MPDZ: variants seen among roughly 807,000 people sequenced by gnomAD.
The protein encoded by MPDZ is multiple PDZ domain protein.
MPDZ carries 234 observed loss-of-function variants against 239.1 expected under a neutral mutation model. The observed-to-expected ratio is 0.98, with a 90% CI of 0.88 to 1.09. The LOEUF (loss-of-function observed/expected upper bound fraction) is 1.09. MPDZ is among the 50% of genes least tolerant of loss of function. The pLI, the probability that MPDZ is intolerant of heterozygous loss-of-function variation, is 0.00. For missense variants in MPDZ, 3,175 were observed against 2,510.0 expected (o/e 1.26, Z -5.66); for synonymous variants, 1,048 against 881.3 (o/e 1.19, Z -3.35).
intron 10 of MPDZ, among the ~76,000 whole-genome samples, chr9:13,209,831 G>C (rs1182566886): frequency 6.6e-6 from 1 of 152,026 alleles, no homozygotes; most frequent in African/African-American, 2.4e-5. Context: ...CAAAGTCCAG[G>C]TCATGCATGC....
Position 13,183,564 on chromosome 9 carries a change from A to C in MPDZ, c.2503T>G (p.Leu835Val), listed in dbSNP as rs764015232. 1.2e-6 allele frequency: 2 copies of C among 1,612,454 alleles called. No individual in the cohort carries two copies. The highest frequency in any genetic ancestry group is 1.7e-6 in the Non-Finnish European group (2 of 1,178,992). The change falls in exon 19 of 47, where the codon TTA (leucine) becomes GTA (valine). Residue 835 changes from leucine (L) to valine (V), a missense_variant. Transcript: ENST00000319217. ...GACTCAAATGTGGATTCATCTACTA[A>C]GTCAGCATCATTTGTGCCCACCTAG... ...LALVGTNDAD[L>V]VDESTFESPY...
Position 13,150,651 on chromosome 9 carries a change from T to C in MPDZ, c.3490A>G (p.Ile1164Val), listed in dbSNP as rs1949042982. 6.8e-7 allele frequency: 1 copy of C among 1,470,990 alleles called. No homozygotes were observed. Among genetic ancestry groups the C allele is most frequent in the South Asian group, 1.6e-5 (1 of 61,328 alleles). The allele number at this position is 1,470,990 out of a possible 1,614,324, so 91.1% of individuals were successfully genotyped here. A position where few individuals can be genotyped will look rare whatever the true frequency, so the allele number is the denominator to read the frequency against. ...ATCCCTCGTCCACCAACAATGCTGA[T>C]GCCTAAGGATTTGCTTGGTTCTCTC... is the stretch of plus-strand genomic sequence containing the variant. The part of the protein sequence containing the change: ...LWREPSKSLG[I>V]SIVGGRGMGS... The change falls in exon 25 of 47, where the codon ATC (isoleucine) becomes GTC (valine). Residue 1164 changes from isoleucine to valine, a missense_variant. Coordinates refer to ENST00000319217, the MANE Select transcript of MPDZ (RefSeq NM_001378778.1).
intron 40 of MPDZ, among the ~76,000 whole-genome samples, 181 bp from the exon 41 acceptor site, chr9:13,114,202 C>G (rs1309878139): frequency 6.6e-6 from 1 of 152,024 alleles, no homozygotes; most frequent in African/African-American, 2.4e-5. Flanking sequence ...GAGAATGTGT[C>G]TAGTGACATA....
chr9:13,214,627 T>G (rs1207245956), intron 10 of MPDZ, among the ~76,000 whole-genome samples: 1 of 152,076 alleles, frequency 6.6e-6, no homozygotes, highest in Non-Finnish European at 1.5e-5. Flanking sequence ...TTGATTAATA[T>G]AGATTACTTA....
chr9:13,168,479 C>G lies in MPDZ; in HGVS notation c.3141G>C (p.Arg1047=), dbSNP rs376524486. The G allele has an allele frequency of 4.3e-5, 69 of 1,613,360 alleles. No individual in the cohort carries two copies. The South Asian group carries it at 6.7e-4, about 16-fold the overall frequency. The part of the protein sequence containing the change: ...IHGGAISRDG[R]IAIGDCILSI... ...ACAAGATGCAGTCCCCAATGGCAAT[C>G]CGGCCATCTCGACTAATGGCACCTC... is the stretch of plus-strand genomic sequence containing the variant. Residue 1047 remains arginine (R), a synonymous_variant, in exon 22 of 47, where the codon CGG becomes CGC. Coordinates refer to ENST00000319217, the MANE Select transcript of MPDZ (RefSeq NM_001378778.1).
chr9:13,156,083 T>C (rs1027692213), intron 24 of MPDZ, among the ~76,000 whole-genome samples: 5 of 152,186 alleles, frequency 3.3e-5, no homozygotes, highest in African/African-American at 9.6e-5. Context: ...CAGTGACAAA[T>C]ATTTTATCAA....
intron 1 of MPDZ, among the ~76,000 whole-genome samples, chr9:13,272,700 TAAAAAAAAAAAA>T (rs539786957): frequency 2.5e-5 from 2 of 78,584 alleles, no homozygotes; most frequent in Non-Finnish European, 5.0e-5. Context: ...CTGTTCCTAC[TAAAAAAAAAAAA>T]AAAAAAAAAG....
At chr9:13,269,647 C>A (rs116434769) in intron 1 of MPDZ, among the ~76,000 whole-genome samples, 1,751 of 152,218 alleles carry the variant, frequency 0.012, 33 homozygotes, top group African/African-American at 0.039. Flanking sequence ...AATCTGTTCA[C>A]AATAAAAGAA....
At chr9:13,142,849 C>A (rs1255696892) in intron 27 of MPDZ, among the ~76,000 whole-genome samples, 2 of 152,078 alleles carry the variant, frequency 1.3e-5, no homozygotes, top group African/African-American at 4.8e-5. Context: ...TCTTCCTTTT[C>A]ATGATCAAAT....
intron 3 of MPDZ, among the ~76,000 whole-genome samples, chr9:13,241,545 C>T (rs1215777495): frequency 1.3e-5 from 2 of 152,242 alleles, no homozygotes; most frequent in Admixed American, 6.5e-5. Flanking sequence ...ATCCTCCTTT[C>T]GGTCTCAAAT....
rs797045095 is a variant in MPDZ, at chr9:13,123,200, G to A, written c.4906C>T (p.Arg1636Ter). 17 of 1,613,086 alleles carry A rather than the reference G, an allele frequency of 1.1e-5. No homozygotes were observed. The highest frequency in any genetic ancestry group is 3.3e-5 in the South Asian group (3 of 91,004). ...CETTIEISKG[R>*]TGLGLSIVGG... ...ACGATGCTCAGGCCCAGCCCTGTTCGCCCTTTGGAAATCTCGATGGTTGTT... is the reference window on the plus strand; with the variant it reads ...ACGATGCTCAGGCCCAGCCCTGTTCACCCTTTGGAAATCTCGATGGTTGTT... Residue 1636 changes from arginine (R) to a stop codon, truncating the protein, a stop_gained, in exon 36 of 47, where the codon CGA becomes TGA. Coordinates refer to ENST00000319217, the MANE Select transcript of MPDZ (RefSeq NM_001378778.1). LOFTEE classifies it high-confidence loss of function.
chr9:13,277,545 G>A (rs1974510313), intron 1 of MPDZ, among the ~76,000 whole-genome samples: 1 of 151,960 alleles, frequency 6.6e-6, no homozygotes, highest in Non-Finnish European at 1.5e-5. Context: ...GTTTTGCTAG[G>A]CTTTTATTTT....
intron 8 of MPDZ, among the ~76,000 whole-genome samples, chr9:13,218,794 A>T (rs1362124532): frequency 6.6e-6 from 1 of 151,938 alleles, no homozygotes; most frequent in East Asian, 1.9e-4. Context: ...TAAATATTTA[A>T]GAGACTTCTG....
rs566586934 is a variant in MPDZ at position 13,107,131 on chromosome 9, C to T, written c.6067-20G>A. 3.4e-5 allele frequency: 52 copies of T among 1,540,580 alleles called. No homozygotes were observed. In the African/African-American group the frequency reaches 6.4e-4, roughly 19 times the overall value. On this transcript the variant is annotated intron_variant, in intron 46 of 46. Transcript: ENST00000319217. ...TGCTCCCTGCAAATTATAAAGTAGA[C>T]TTGTTTATTTCTCAAAAAATGCTGC...
At chr9:13,265,908 T>C (rs1421248777) in intron 1 of MPDZ, among the ~76,000 whole-genome samples, 3 of 152,180 alleles carry the variant, frequency 2.0e-5, no homozygotes, top group East Asian at 3.9e-4. Flanking sequence ...ACAATCATGC[T>C]GCTTCAACAT....
chr9:13,279,263 A>ACCCCCCCCCCCACCCCCG (rs1306373701), intron 1 of MPDZ, 137 bp downstream of exon 1: 13 of 34,412 alleles, frequency 3.8e-4, no homozygotes, highest in South Asian at 1.1e-3. Flanking sequence ...CCCCACCCCC[A>ACCCCCCCCCCCACCCCCG]CCCCCACCCC....
Position 13,168,541 on chromosome 9 carries a change from C to A in MPDZ, c.3079G>T (p.Asp1027Tyr). Residue 1027 changes from aspartate to tyrosine, a missense_variant, in exon 22 of 47, where the codon GAT becomes TAT. Transcript: ENST00000319217. Reference sequence around the variant, plus strand: ...CTTCGAACGATCATCCCCAAGCCATCTTTATTAGCACTAACTGTCATTCCT... The same window carrying A: ...CTTCGAACGATCATCCCCAAGCCATATTTATTAGCACTAACTGTCATTCCT... Reference protein sequence around the residue: ...SLGMTVSANKDGLGMIVRSII... With the variant: ...SLGMTVSANKYGLGMIVRSII... 1 of 1,608,076 alleles carries A rather than the reference C, an allele frequency of 6.2e-7. No homozygotes were observed. Among genetic ancestry groups the A allele is most frequent in the East Asian group, 2.2e-5 (1 of 44,546 alleles).
In MPDZ at chr9:13,110,001, G is replaced by A. The variant is rs73404389; in HGVS notation, c.5893C>T (p.Leu1965Phe). 1.7e-5 allele frequency: 28 copies of A among 1,613,286 alleles called. No individual in the cohort carries two copies. The highest frequency in any genetic ancestry group is 3.3e-4 in the Middle Eastern group (2 of 6,084). The change falls in exon 45 of 47, where the codon CTT (leucine) becomes TTT (phenylalanine). Residue 1965 changes from leucine (L) to phenylalanine (F), a missense_variant. Leu to Phe is a conservative substitution (Grantham distance 22). Coordinates refer to ENST00000319217, the MANE Select transcript of MPDZ (RefSeq NM_001378778.1). ...CTTGACGTCAGCCCAGTGAAAGAAA[G>A]ACTGGAACTTGCAGGCTCCTGCTGA... is the stretch of plus-strand genomic sequence containing the variant. ...GHQQEPASSS[L>F]SFTGLTSSSI...
At chr9:13,223,445 T>C (rs369732560) in intron 5 of MPDZ, 126 bp downstream of exon 5, 2 of 1,084,840 alleles carry the variant, frequency 1.8e-6, no homozygotes, top group South Asian at 2.8e-5. Context: ...TTCTAAAAAC[T>C]GGTTAATAAC....
Sources: allele counts gnomAD v4.1 joint callset (sites outside exome capture counted in the v4.1 genomes callset), GRCh38; gene constraint gnomAD v4.1.1; transcripts MANE v1.5; gene names NCBI Gene and HGNC (gene_info 2026-07-23, HGNC 2026-07-21).